PCDH15: variants seen among roughly 807,000 people sequenced by gnomAD.
The protein encoded by PCDH15 is protocadherin related 15.
In PCDH15, 129 loss-of-function variants were observed where a neutral mutation model predicts 178.5. The ratio of observed to expected loss-of-function variants is 0.72; its 90% CI spans 0.63 to 0.84. The LOEUF is 0.84. Ranked by LOEUF, PCDH15 falls within the 40% of genes least tolerant of loss-of-function variation. The pLI, the probability that PCDH15 is intolerant of heterozygous loss-of-function variation, is 0.00. For missense variants in PCDH15, 2,230 were observed against 2,099.9 expected, an observed-to-expected ratio of 1.06 and a Z score of -1.21; for synonymous variants, 800 against 732.0, an observed-to-expected ratio of 1.09 and a Z score of -1.50.
intron 3 of PCDH15, among the ~76,000 whole-genome samples, chr10:54,493,349 G>A (rs2079788491): frequency 6.6e-6 from 1 of 151,940 alleles, no homozygotes; most frequent in African/African-American, 2.4e-5. Context: ...ATAGATTATG[G>A]TGCCTCCTAC....
chr10:54,726,111 C>A (rs4935546), intron 1 of PCDH15, among the ~76,000 whole-genome samples: 18,169 of 151,040 alleles, frequency 0.12, 1,200 homozygotes, highest in African/African-American at 0.16. Flanking sequence ...TTCTCCCTCC[C>A]CTTTTTGTGG....
At chr10:54,438,909 T>G (rs975359352) in intron 3 of PCDH15, among the ~76,000 whole-genome samples, 3 of 152,124 alleles carry the variant, frequency 2.0e-5, no homozygotes, top group Non-Finnish European at 4.4e-5. Context: ...ATTCTTAGAA[T>G]GCCTAGTCCT....
At chr10:54,436,911 C>T (rs1049148881) in intron 3 of PCDH15, among the ~76,000 whole-genome samples, 1 of 152,150 alleles carries the variant, frequency 6.6e-6, no homozygotes, top group Non-Finnish European at 1.5e-5. Flanking sequence ...GCTATAACTA[C>T]CTCACCTCTG....
At chr10:54,577,319 C>T (rs1465290164) in intron 2 of PCDH15, among the ~76,000 whole-genome samples, 1 of 150,550 alleles carries the variant, frequency 6.6e-6, no homozygotes, top group East Asian at 2.0e-4. Context: ...GTCTCGATCT[C>T]CTGACCTTAC....
intron 17 of PCDH15, among the ~76,000 whole-genome samples, chr10:54,072,402 G>T (rs191292134): frequency 1.3e-5 from 2 of 152,216 alleles, no homozygotes; most frequent in African/African-American, 4.8e-5. Context: ...TAGAGTGGAG[G>T]TCCTTCCTAC....
At chr10:53,866,108 G>C (rs1390829386) in intron 27 of PCDH15, among the ~76,000 whole-genome samples, 3 of 152,062 alleles carry the variant, frequency 2.0e-5, no homozygotes, top group Admixed American at 6.6e-5. Context: ...ATATAACTTA[G>C]TCAAGGCTAA....
At chr10:54,631,841 TAC>T (rs1452402292) in intron 2 of PCDH15, among the ~76,000 whole-genome samples, 1 of 152,030 alleles carries the variant, frequency 6.6e-6, no homozygotes, top group African/African-American at 2.4e-5. Context: ...GGAACCACCA[TAC>T]ACTTATAAAA....
At chr10:54,911,828 C>T (rs1208843663) in intron 2 of PCDH15, among the ~76,000 whole-genome samples, 1 of 152,150 alleles carries the variant, frequency 6.6e-6, no homozygotes, top group Non-Finnish European at 1.5e-5. Flanking sequence ...TTTCCCTTCA[C>T]CTTCTGTCAT....
At chr10:54,661,789 A>C (rs557221728) in intron 2 of PCDH15, among the ~76,000 whole-genome samples, 2 of 152,094 alleles carry the variant, frequency 1.3e-5, no homozygotes, top group Admixed American at 1.3e-4. Flanking sequence ...AAAGCTGACA[A>C]AATTAAACAT....
intron 28 of PCDH15, among the ~76,000 whole-genome samples, chr10:53,850,117 C>T (rs976513650): frequency 6.6e-6 from 1 of 151,888 alleles, no homozygotes; most frequent in Non-Finnish European, 1.5e-5. Flanking sequence ...TTTTAACTCT[C>T]AAAAATAGAA....
At chr10:54,217,203 A>G (rs1273110313) in intron 9 of PCDH15, among the ~76,000 whole-genome samples, 2 of 152,134 alleles carry the variant, frequency 1.3e-5, no homozygotes, top group Admixed American at 1.3e-4. Context: ...ATATTATTAT[A>G]AAACTAATTA....
chr10:54,247,170 T>C (rs1287018702), intron 8 of PCDH15, among the ~76,000 whole-genome samples: 1 of 151,980 alleles, frequency 6.6e-6, no homozygotes, highest in African/African-American at 2.4e-5. Context: ...TTTCCATATA[T>C]ACCTGGCTAT....
At chr10:54,264,518 G>T (rs1186415443) in intron 8 of PCDH15, among the ~76,000 whole-genome samples, 1 of 152,042 alleles carries the variant, frequency 6.6e-6, no homozygotes, top group Non-Finnish European at 1.5e-5. Flanking sequence ...AAAGAAGCCA[G>T]AAAAACAGTC....
At chr10:53,987,958 A>G (rs2091218997) in intron 21 of PCDH15, among the ~76,000 whole-genome samples, 1 of 151,956 alleles carries the variant, frequency 6.6e-6, no homozygotes, top group Non-Finnish European at 1.5e-5. Context: ...CTCTTATCTA[A>G]TTATGTTTTC....
intron 2 of PCDH15, among the ~76,000 whole-genome samples, chr10:55,604,877 G>A (rs1282333941): frequency 6.9e-6 from 1 of 144,630 alleles, no homozygotes; most frequent in African/African-American, 2.5e-5. Flanking sequence ...CTAGCAGAAG[G>A]CAAGAAATAA....
intron 1 of PCDH15, among the ~76,000 whole-genome samples, chr10:54,723,549 T>A (rs1327495080): frequency 6.6e-6 from 1 of 151,504 alleles, no homozygotes; most frequent in Non-Finnish European, 1.5e-5. Context: ...GACAAATGGG[T>A]CTTAATTAAA....
At chr10:54,353,292 C>T (rs1944449620) in intron 5 of PCDH15, among the ~76,000 whole-genome samples, 1 of 152,004 alleles carries the variant, frequency 6.6e-6, no homozygotes, top group African/African-American at 2.4e-5. Context: ...AATTCAAATA[C>T]AGTGCAAGTT....
intron 2 of PCDH15, among the ~76,000 whole-genome samples, chr10:55,387,589 T>C (rs1296544223): frequency 6.6e-6 from 1 of 152,134 alleles, no homozygotes; most frequent in Non-Finnish European, 1.5e-5. Context: ...TGTATATATG[T>C]ATAAGTAAAG....
chr10:53,866,487 T>C (rs2079460754), intron 27 of PCDH15, among the ~76,000 whole-genome samples, 155 bp downstream of exon 27: 2 of 150,544 alleles, frequency 1.3e-5, no homozygotes, highest in Admixed American at 1.3e-4. Context: ...TATTTACATA[T>C]TCCTAAACTA....
Sources: gnomAD v4.1 joint callset for allele counts (sites outside exome capture counted in the v4.1 genomes callset) on GRCh38, gnomAD v4.1.1 for gene constraint, MANE v1.5 for transcripts, NCBI Gene and HGNC (gene_info 2026-07-23, HGNC 2026-07-21) for gene names.